The following DTNBP1 variants were observed in gnomAD, a reference collection of about 807,000 sequenced individuals.
DTNBP1 encodes dystrobrevin binding protein 1, also known as dysbindin.
A neutral mutation model predicts 42.8 loss-of-function variants in DTNBP1; 35 were observed. The observed-to-expected ratio is 0.82, with a 90% CI of 0.63 to 1.09. The LOEUF (loss-of-function observed/expected upper bound fraction) is 1.09. Among genes scored for constraint, DTNBP1 ranks in the 50% least tolerant of loss-of-function variants. The pLI, the probability that DTNBP1 is intolerant of heterozygous loss-of-function variation, is 0.00. For synonymous variants in DTNBP1, 171 were observed against 162.2 expected (o/e 1.05, Z -0.41); for missense variants, 457 against 424.2 (o/e 1.08, Z -0.68).
At chr6:15,613,217 C>T (rs774732872) in intron 6 of DTNBP1, among the ~76,000 whole-genome samples, 23 of 151,062 alleles carry the variant, frequency 1.5e-4, no homozygotes, top group Non-Finnish European at 2.7e-4. Flanking sequence ...ACAGAAGAAA[C>T]GCTTTAACCC....
intron 7 of DTNBP1, among the ~76,000 whole-genome samples, chr6:15,582,049 T>C (rs1431756782): frequency 6.6e-6 from 1 of 152,098 alleles, no homozygotes; most frequent in Non-Finnish European, 1.5e-5. Context: ...TAAAGGAGCA[T>C]TACACAGCAA....
At chr6:15,526,284 G>A (rs1198091506) in intron 8 of DTNBP1, among the ~76,000 whole-genome samples, 2 of 152,200 alleles carry the variant, frequency 1.3e-5, no homozygotes, top group African/African-American at 2.4e-5. Flanking sequence ...GTGAGTTAAT[G>A]TAAAACCTGG....
At chr6:15,523,684 T>C in intron 9 of DTNBP1, 2 of 1,287,222 alleles carry the variant, frequency 1.6e-6, no homozygotes, top group Non-Finnish European at 2.0e-6. Flanking sequence ...GGAATCAAAA[T>C]TCTATATGCA....
At chr6:15,632,314 C>A (rs528314604) in intron 4 of DTNBP1, among the ~76,000 whole-genome samples, 1 of 152,080 alleles carries the variant, frequency 6.6e-6, no homozygotes, top group South Asian at 2.1e-4. Context: ...TCTTTCCCAC[C>A]CTAAGGTCTT....
At chr6:15,595,983 T>A (rs1776500589) in intron 6 of DTNBP1, among the ~76,000 whole-genome samples, 1 of 152,152 alleles carries the variant, frequency 6.6e-6, no homozygotes, top group African/African-American at 2.4e-5. Context: ...CTAGCTGTGA[T>A]GGATGGATAT....
At chr6:15,657,355 T>G (rs74588598) in intron 1 of DTNBP1, among the ~76,000 whole-genome samples, 2 of 152,190 alleles carry the variant, frequency 1.3e-5, no homozygotes, top group Admixed American at 6.5e-5. Flanking sequence ...TTATCTAAGA[T>G]ACTTCCAAAT....
intron 7 of DTNBP1, among the ~76,000 whole-genome samples, chr6:15,564,407 CTTTTT>C (rs551491122): frequency 6.6e-6 from 1 of 150,908 alleles, no homozygotes; most frequent in East Asian, 1.9e-4. Flanking sequence ...TTTTTCCTTT[CTTTTT>C]TTTTGATTTT....
chr6:15,535,773 G>C (rs1290948349), intron 7 of DTNBP1, among the ~76,000 whole-genome samples: 1 of 152,204 alleles, frequency 6.6e-6, no homozygotes, highest in Admixed American at 6.5e-5. Flanking sequence ...CTCAGAAAAA[G>C]ACAGGAAGAT....
At chr6:15,615,914 T>C (rs73371582) in intron 5 of DTNBP1, among the ~76,000 whole-genome samples, 1 of 152,232 alleles carries the variant, frequency 6.6e-6, no homozygotes, top group Non-Finnish European at 1.5e-5. Flanking sequence ...TTGGTAAGCA[T>C]GAGTTACCAG....
chr6:15,599,659 T>C (rs560294614), intron 6 of DTNBP1, among the ~76,000 whole-genome samples: 5 of 152,172 alleles, frequency 3.3e-5, no homozygotes, highest in Non-Finnish European at 5.9e-5. Flanking sequence ...ATCGTTGATG[T>C]ATGCATGAGG....
intron 5 of DTNBP1, among the ~76,000 whole-genome samples, chr6:15,615,919 T>C (rs897662910): frequency 6.6e-6 from 1 of 152,246 alleles, no homozygotes; most frequent in Non-Finnish European, 1.5e-5. Context: ...AAGCATGAGT[T>C]ACCAGGCTAC....
intron 6 of DTNBP1, among the ~76,000 whole-genome samples, chr6:15,608,010 C>T (rs1758175978): frequency 6.6e-6 from 1 of 151,972 alleles, no homozygotes; most frequent in South Asian, 2.1e-4. Context: ...AATATTTATT[C>T]TTTTTTCAAT....
intron 6 of DTNBP1, among the ~76,000 whole-genome samples, chr6:15,598,295 C>T (rs1177235330): frequency 1.3e-5 from 2 of 152,128 alleles, no homozygotes; most frequent in African/African-American, 4.8e-5. Context: ...ACAGAAGCTA[C>T]TGGATAAATG....
At chr6:15,523,808 A>C (rs905019489) in intron 9 of DTNBP1, 26 of 1,287,070 alleles carry the variant, frequency 2.0e-5, no homozygotes, top group Non-Finnish European at 2.4e-5. Flanking sequence ...TCTCTTCCCC[A>C]GGATGACACC....
At chr6:15,652,008 T>C in intron 2 of DTNBP1, 79 bp downstream of exon 2, 1 of 1,256,898 alleles carries the variant, frequency 8.0e-7, no homozygotes, top group Non-Finnish European at 1.2e-6. Flanking sequence ...TTCATTAATA[T>C]AACTACACAA....
chr6:15,572,551 C>T (rs1161064224), intron 7 of DTNBP1, among the ~76,000 whole-genome samples: 4 of 152,222 alleles, frequency 2.6e-5, no homozygotes, highest in South Asian at 4.1e-4. Context: ...AGCACTTCTA[C>T]GTAAATACCA....
intron 7 of DTNBP1, among the ~76,000 whole-genome samples, chr6:15,560,814 G>A (rs748877471): frequency 3.9e-5 from 6 of 152,200 alleles, no homozygotes; most frequent in Non-Finnish European, 5.9e-5. Context: ...GTATTTGCAA[G>A]CACAAACCCC....
intron 7 of DTNBP1, among the ~76,000 whole-genome samples, chr6:15,535,869 G>A (rs1204297160): frequency 2.0e-5 from 3 of 152,216 alleles, no homozygotes; most frequent in Non-Finnish European, 4.4e-5. Flanking sequence ...AGTCCAGACT[G>A]AGGTGGTCTC....
At chr6:15,526,958 C>G (rs560659117) in intron 8 of DTNBP1, among the ~76,000 whole-genome samples, 2 of 152,222 alleles carry the variant, frequency 1.3e-5, no homozygotes, top group South Asian at 2.1e-4. Flanking sequence ...GATTATACAA[C>G]TAAACTAAAA....
Sources: gnomAD v4.1 joint callset for allele counts (sites outside exome capture counted in the v4.1 genomes callset) on GRCh38, gnomAD v4.1.1 for gene constraint, MANE v1.5 for transcripts, NCBI Gene and HGNC (gene_info 2026-07-23, HGNC 2026-07-21) for gene names.